Variants in SLC22A23 observed in about 807,000 individuals in gnomAD.
SLC22A23 encodes solute carrier family 22 member 23.
A neutral mutation model predicts 61.0 loss-of-function variants in SLC22A23; 26 were observed. The ratio of observed to expected loss-of-function variants is 0.43; its 90% CI spans 0.31 to 0.59. The LOEUF (loss-of-function observed/expected upper bound fraction) is 0.59. Ranked by LOEUF, SLC22A23 falls within the 20% of genes least tolerant of loss-of-function variation. The probability of loss-of-function intolerance (pLI) is 0.11; values close to 1 mark genes in which losing one functional copy is unlikely to be tolerated. For synonymous variants in SLC22A23, 430 were observed against 413.9 expected (o/e 1.04, Z -0.47); for missense variants, 796 against 934.7 (o/e 0.85, Z 1.94).
At chr6:3,432,339 C>G (rs1209955246) in intron 1 of SLC22A23, 2 of 985,330 alleles carry the variant, frequency 2.0e-6, no homozygotes, top group African/African-American at 3.5e-5. Context: ...TTGAAGAAGC[C>G]TAAGTTTAAA....
intron 3 of SLC22A23, among the ~76,000 whole-genome samples, chr6:3,374,317 C>A (rs1479595298): frequency 6.6e-6 from 1 of 152,162 alleles, no homozygotes. Context: ...ACATGGTGAG[C>A]GGTCGGACGC....
intron 1 of SLC22A23, among the ~76,000 whole-genome samples, chr6:3,416,511 A>C (rs1769714264): frequency 6.6e-6 from 1 of 152,228 alleles, no homozygotes; most frequent in Non-Finnish European, 1.5e-5. Flanking sequence ...CAACATTCAG[A>C]CTATTATATT....
intron 9 of SLC22A23, among the ~76,000 whole-genome samples, chr6:3,280,366 C>G (rs4521639): frequency 0.82 from 124,777 of 151,966 alleles, 52,590 homozygotes; most frequent in Non-Finnish European, 0.92. Flanking sequence ...CATCAGCACC[C>G]TCCCCTCATC....
intron 3 of SLC22A23, among the ~76,000 whole-genome samples, chr6:3,346,246 G>T (rs777257764): frequency 1.3e-5 from 2 of 152,138 alleles, no homozygotes; most frequent in Admixed American, 6.5e-5. Context: ...CGTCTCTGCT[G>T]ACCTGCTCAC....
intron 3 of SLC22A23, among the ~76,000 whole-genome samples, chr6:3,389,860 C>T (rs1277443187): frequency 6.6e-6 from 1 of 152,266 alleles, no homozygotes; most frequent in Non-Finnish European, 1.5e-5. Context: ...CACAGCACCA[C>T]ACCCGTTAGT....
At chr6:3,441,113 C>T (rs1238789183) in intron 1 of SLC22A23, among the ~76,000 whole-genome samples, 2 of 152,258 alleles carry the variant, frequency 1.3e-5, no homozygotes, top group East Asian at 3.9e-4. Flanking sequence ...AGGGAGAGGG[C>T]TGTGGCCCCC....
At chr6:3,365,729 A>C (rs541925848) in intron 3 of SLC22A23, among the ~76,000 whole-genome samples, 1 of 152,276 alleles carries the variant, frequency 6.6e-6, no homozygotes, top group African/African-American at 2.4e-5. Flanking sequence ...GCTGAACCAT[A>C]TGTTCAGTCT....
At chr6:3,289,981 CTTT>C (rs35568219) in intron 5 of SLC22A23, 115 bp from the exon 6 acceptor site, 17,943 of 427,040 alleles carry the variant, frequency 0.042, 3 homozygotes, top group Middle Eastern at 0.076. Context: ...GAGAGAGAAG[CTTT>C]TTTTTTTTTT....
At position 3,416,075 on chromosome 6, in the gene SLC22A23, A is replaced by G. The variant is rs568986972; in HGVS notation, c.655-220T>C. Among the ~76,000 whole-genome samples the G allele has an allele frequency of 2.0e-5, 3 of 152,374 alleles. No individual in the cohort carries two copies. In the South Asian group the frequency reaches 6.2e-4, roughly 32 times the overall value. On this transcript the variant is annotated intron_variant, in intron 1 of 9. Transcript: ENST00000406686. The stretch of plus-strand genomic sequence containing the variant: ...GTAACATTTTAGTCTGGGACAGATT[A>G]TAAGTCTGCAAAGAATGACGCAGGA...
intron 4 of SLC22A23, among the ~76,000 whole-genome samples, chr6:3,321,321 G>A (rs1762934694): frequency 1.3e-5 from 2 of 152,230 alleles, no homozygotes; most frequent in Admixed American, 6.5e-5. Context: ...TGCAGAGCTG[G>A]AGCTGTAAGC....
rs578013776 is a variant in SLC22A23 at position 3,297,087 on chromosome 6, G to A, written c.1210+1004C>T. On this transcript the variant is annotated intron_variant, in intron 5 of 9. Coordinates refer to ENST00000406686, the MANE Select transcript of SLC22A23 (RefSeq NM_015482.2). This position sits in a 1 kb window ranked among gnomAD's most constrained non-coding sequence, Gnocchi z 4.3. The stretch of plus-strand genomic sequence containing the variant: ...GTTTCATCCCTCCTGACGTATGCAC[G>A]TGTAACTTCCCTGTCTGTGTGCCCC... 1.6e-4 allele frequency among the ~76,000 whole-genome samples: 24 copies of A among 152,316 alleles called. No homozygotes were observed. The highest frequency in any genetic ancestry group is 3.9e-4 in the East Asian group (2 of 5,192).
At chr6:3,280,512 T>TTTTCC (rs781526188) in intron 9 of SLC22A23, among the ~76,000 whole-genome samples, 53,724 of 97,974 alleles carry the variant, frequency 0.55, 18,788 homozygotes, top group Non-Finnish European at 0.74. Context: ...TTTTTTTTTT[T>TTTTCC]TGAGATGGAG....
intron 1 of SLC22A23, among the ~76,000 whole-genome samples, chr6:3,444,461 G>C (rs780205427): frequency 2.0e-5 from 3 of 152,128 alleles, no homozygotes; most frequent in South Asian, 2.1e-4. Flanking sequence ...CCAACAACTC[G>C]TCTCTCAAAT....
intron 1 of SLC22A23, among the ~76,000 whole-genome samples, chr6:3,418,161 C>T (rs1313756998): frequency 6.6e-6 from 1 of 152,178 alleles, no homozygotes; most frequent in African/African-American, 2.4e-5. Flanking sequence ...GAGCCTCAGT[C>T]GGGCACAATC....
chr6:3,316,689 G>A (rs926065564), intron 4 of SLC22A23, among the ~76,000 whole-genome samples: 24 of 152,196 alleles, frequency 1.6e-4, no homozygotes, highest in African/African-American at 5.3e-4. Context: ...CCAGGCTGCC[G>A]TGAAGTGGTG....
rs1405175561 is a variant in SLC22A23, at chr6:3,410,874, C to A, written c.759-532G>T. ...GCCATCTGTCAATTTGTTTCAGCTA[C>A]ACGACGAGAAGTAATTTTTAAGGGA... is the stretch of plus-strand genomic sequence containing the variant. On this transcript the variant is annotated intron_variant, in intron 2 of 9. Coordinates refer to ENST00000406686, the MANE Select transcript of SLC22A23 (RefSeq NM_015482.2). This position sits in a 1 kb window ranked among gnomAD's most constrained non-coding sequence, Gnocchi z 5.0. Among the ~76,000 whole-genome samples the A allele has an allele frequency of 6.6e-6, 1 of 152,328 alleles. No individual in the cohort carries two copies. The highest frequency in any genetic ancestry group is 2.4e-5 in the African/African-American group (1 of 41,568).
chr6:3,432,429 G>A (rs766169454), intron 1 of SLC22A23: 67 of 975,288 alleles, frequency 6.9e-5, no homozygotes, highest in Non-Finnish European at 8.2e-5. Context: ...TTGCTGTTGT[G>A]TACAACTGCT....
intron 3 of SLC22A23, among the ~76,000 whole-genome samples, chr6:3,368,246 A>G (rs571295920): frequency 7.4e-4 from 113 of 152,310 alleles, no homozygotes; most frequent in African/African-American, 2.4e-3. Flanking sequence ...ACATGGTCCC[A>G]GTGCTGGCAA....
In SLC22A23 at chr6:3,442,906, T is replaced by A. The variant is rs111266556; in HGVS notation, c.654+13000A>T. On this transcript the variant is annotated intron_variant, in intron 1 of 9. Coordinates refer to ENST00000406686, the MANE Select transcript of SLC22A23 (RefSeq NM_015482.2). ...CATCTCTGTGACTCAGCTCTTTGGT[T>A]CTCTGTTCAGATAAGTAAAGCAACT... Among the ~76,000 whole-genome samples the A allele has an allele frequency of 4.2e-3, 640 of 152,300 alleles. 5 individuals are homozygous for A. Among genetic ancestry groups the A allele is most frequent in the African/African-American group, 0.015 (616 of 41,558 alleles).
Sources: gnomAD v4.1 joint callset for allele counts (sites outside exome capture counted in the v4.1 genomes callset) on GRCh38, gnomAD v4.1.1 for gene constraint, Gnocchi (gnomAD v3.1) non-coding constraint, MANE v1.5 for transcripts, NCBI Gene and HGNC (gene_info 2026-07-23, HGNC 2026-07-21) for gene names.